MLXIPL: variants seen among roughly 807,000 people sequenced by gnomAD.
The protein encoded by MLXIPL is MLX interacting protein like, also known as carbohydrate-responsive element-binding protein.
Under a neutral mutation model 81.5 loss-of-function variants are expected in MLXIPL, and 49 were observed. That is an observed-to-expected ratio of 0.60 (90% CI 0.48 to 0.76). The LOEUF (loss-of-function observed/expected upper bound fraction) is 0.76, where lower values mean the gene tolerates loss of function less well. Among genes scored for constraint, MLXIPL ranks in the 30% least tolerant of loss-of-function variants. The pLI is 0.00. For missense variants in MLXIPL, 1,053 were observed against 1,167.0 expected (o/e 0.90, Z 1.42); for synonymous variants, 466 against 485.5 (o/e 0.96, Z 0.53).
chr7:73,631,783 CTCTT>C, the MLXIPL span, among the ~76,000 whole-genome samples: 1 of 148,806 alleles, frequency 6.7e-6, no homozygotes, highest in East Asian at 2.0e-4. Flanking sequence ...CCCTCTCTCT[CTCTT>C]CTCCCCTCCC....
At chr7:73,634,810 T>C in the MLXIPL span, among the ~76,000 whole-genome samples, 1 of 149,760 alleles carries the variant, frequency 6.7e-6, no homozygotes. Context: ...ATGTATTTAT[T>C]ATTATTATTA....
At chr7:73,612,827 C>T (rs782437626) in intron 2 of MLXIPL, among the ~76,000 whole-genome samples, 7 of 152,044 alleles carry the variant, frequency 4.6e-5, no homozygotes, top group Admixed American at 2.6e-4. Context: ...CACTCAGCCG[C>T]GGAACCCTTT....
upstream of MLXIPL, among the ~76,000 whole-genome samples, chr7:73,627,136 C>T (rs1554603994): frequency 6.6e-6 from 1 of 152,152 alleles, no homozygotes; most frequent in Non-Finnish European, 1.5e-5. Flanking sequence ...GTAGGATGTG[C>T]ATTCTCTCTG....
At chr7:73,637,255 A>T in the MLXIPL span, among the ~76,000 whole-genome samples, 13 of 151,612 alleles carry the variant, frequency 8.6e-5, no homozygotes, top group South Asian at 2.7e-3. Context: ...AGGCAAGAGG[A>T]TCACTTGAGG....
At chr7:73,629,507 A>G (rs1796802627), upstream of MLXIPL, among the ~76,000 whole-genome samples, 1 of 152,068 alleles carries the variant, frequency 6.6e-6, no homozygotes, top group Non-Finnish European at 1.5e-5. Context: ...GGCCAAGGGG[A>G]GGATTGCTTG....
Position 73,593,953 on chromosome 7 carries a change from G to T in MLXIPL, c.2471C>A (p.Thr824Lys). The change falls in exon 17 of 17, where the codon ACA becomes AAA. Residue 824 changes from threonine (T) to lysine (K), a missense_variant. By Grantham distance (78) the Thr-to-Lys change is moderately conservative. Coordinates refer to ENST00000313375, the MANE Select transcript of MLXIPL (RefSeq NM_032951.3). The stretch of plus-strand genomic sequence containing the variant: ...CGGGTCGGTCAGGATACTGGTAGAT[G>T]TGCCCAGCTGGCGTAGGGAGTTCAG... ...TVLNSLRQLGTSTSILTDPGR... is the reference protein window; with the variant it reads ...TVLNSLRQLGKSTSILTDPGR... 1 of 1,614,136 alleles carries T rather than the reference G, an allele frequency of 6.2e-7. No homozygotes were observed. Among genetic ancestry groups the T allele is most frequent in the East Asian group, 2.2e-5 (1 of 44,880 alleles).
chr7:73,638,200 T>A, the MLXIPL span, among the ~76,000 whole-genome samples: 1 of 152,172 alleles, frequency 6.6e-6, no homozygotes, highest in African/African-American at 2.4e-5. Context: ...TGAGGGAGAC[T>A]AGATGAACAG....
the MLXIPL span, among the ~76,000 whole-genome samples, chr7:73,630,395 T>A: frequency 3.4e-5 from 5 of 146,150 alleles, no homozygotes; most frequent in Non-Finnish European, 7.4e-5. Flanking sequence ...TGGGCTCAAG[T>A]GATCCTCCCA....
chr7:73,596,020 G>A lies in MLXIPL; in HGVS notation c.2059-51C>T. On this transcript the variant is annotated intron_variant, in intron 13 of 16. Transcript: ENST00000313375. This position sits in a 1 kb window ranked among gnomAD's most constrained non-coding sequence, Gnocchi z 4.7. Reference sequence around the variant, plus strand: ...GGCAGGTGCTAGAGGCTGTACCCTGGGACCCACTGAGGCACTGGGATGGGA... The same window carrying A: ...GGCAGGTGCTAGAGGCTGTACCCTGAGACCCACTGAGGCACTGGGATGGGA... The A allele has an allele frequency of 6.2e-7, 1 of 1,608,436 alleles. No homozygotes were observed. The highest frequency in any genetic ancestry group is 8.5e-7 in the Non-Finnish European group (1 of 1,179,284).
chr7:73,612,507 T>C (rs1795753220), intron 2 of MLXIPL, among the ~76,000 whole-genome samples: 1 of 150,848 alleles, frequency 6.6e-6, no homozygotes, highest in Non-Finnish European at 1.5e-5. Flanking sequence ...CCGGGCGTGG[T>C]GGTGCGCACC....
At chr7:73,621,896 C>T (rs1796401910) in intron 1 of MLXIPL, among the ~76,000 whole-genome samples, 1 of 112,958 alleles carries the variant, frequency 8.9e-6, no homozygotes, top group African/African-American at 3.5e-5. Flanking sequence ...CTCCATTTCC[C>T]TCTATCTCCC....
rs1317916149 is a variant in MLXIPL, at chr7:73,594,039, C to A, written c.2441-56G>T. 3 of 1,521,998 alleles carry A rather than the reference C, an allele frequency of 2.0e-6. No homozygotes were observed. In the South Asian group the frequency reaches 3.4e-5, roughly 17 times the overall value. 94.3% of individuals were successfully genotyped at this position (1,521,998 alleles called of 1,614,324 possible). A position where few individuals can be genotyped will look rare whatever the true frequency, so the allele number is the denominator to read the frequency against. ...CACTTCCTGGGGTCAGGGCCCTACC[C>A]TTGGATGTGGAACCAAAGGGATAGG... is the stretch of plus-strand genomic sequence containing the variant. On this transcript the variant is annotated intron_variant, in intron 16 of 16. Coordinates refer to ENST00000313375, the MANE Select transcript of MLXIPL (RefSeq NM_032951.3).
At chr7:73,641,640 T>TG in the MLXIPL span, among the ~76,000 whole-genome samples, 34 of 152,280 alleles carry the variant, frequency 2.2e-4, no homozygotes, top group Middle Eastern at 3.4e-3. Flanking sequence ...CACTTTTTTT[T>TG]GTTTTTGAGA....
intron 2 of MLXIPL, among the ~76,000 whole-genome samples, chr7:73,611,978 C>T (rs1795714931): frequency 6.6e-6 from 1 of 151,936 alleles, no homozygotes; most frequent in South Asian, 2.1e-4. Flanking sequence ...AGGAGGGTCT[C>T]AAAGTGTGTC....
intron 1 of MLXIPL, among the ~76,000 whole-genome samples, chr7:73,617,671 C>T (rs1554601092): frequency 6.6e-6 from 1 of 152,016 alleles, no homozygotes; most frequent in Admixed American, 6.6e-5. Flanking sequence ...ATAGCAAGAC[C>T]CTGTCTCTAC....
chr7:73,610,522 G>A (rs1448783868), intron 2 of MLXIPL: 1 of 152,308 alleles, frequency 6.6e-6, no homozygotes, highest in African/African-American at 2.4e-5. Context: ...TTGGAGAGCA[G>A]TGGTACAGTG....
chr7:73,624,587 C>A (rs1796609138), upstream of MLXIPL: 1 of 1,403,016 alleles, frequency 7.1e-7, no homozygotes. Context: ...CCCGCCCCCA[C>A]ACCATAGGCC....
rs1554594477 is a variant in MLXIPL, at chr7:73,597,186, T to C, written c.1599A>G (p.Thr533=). 1.9e-6 allele frequency: 3 copies of C among 1,602,628 alleles called. No homozygotes were observed. The highest frequency in any genetic ancestry group is 2.5e-6 in the Non-Finnish European group (3 of 1,177,182). ...CTCCCCGTTGCTGGCCCTCACCTGC[T>C]GTGAGCAGCTGTGTGAGGCAGGGGT... ...SNNPCLTQLL[T]AAKPEQALEP... Residue 533 remains threonine (T), a synonymous_variant, in exon 9 of 17, where the codon ACA becomes ACG. Coordinates refer to ENST00000313375, the MANE Select transcript of MLXIPL (RefSeq NM_032951.3).
chr7:73,618,289 G>A (rs1796116691), intron 1 of MLXIPL, among the ~76,000 whole-genome samples: 1 of 152,186 alleles, frequency 6.6e-6, no homozygotes, highest in African/African-American at 2.4e-5. Context: ...TAGAGACGGG[G>A]CTTCATCATG....
Sources: gnomAD v4.1 joint callset for allele counts (sites outside exome capture counted in the v4.1 genomes callset) on GRCh38, gnomAD v4.1.1 for gene constraint, Gnocchi (gnomAD v3.1) non-coding constraint, MANE v1.5 for transcripts, NCBI Gene and HGNC (gene_info 2026-07-23, HGNC 2026-07-21) for gene names.